Variants in TRIOBP observed in about 807,000 individuals in gnomAD.
The protein encoded by TRIOBP is TRIO and F-actin binding protein, also known as TRIO and F-actin-binding protein.
In TRIOBP, 169 loss-of-function variants were observed where a neutral mutation model predicts 238.8. That is an observed-to-expected ratio of 0.71 (90% CI 0.62 to 0.80). The LOEUF (loss-of-function observed/expected upper bound fraction) is 0.80, where lower values mean the gene tolerates loss of function less well. TRIOBP is among the 30% of genes least tolerant of loss of function. The probability of loss-of-function intolerance (pLI) is 0.00; values close to 1 mark genes in which losing one functional copy is unlikely to be tolerated. For synonymous variants in TRIOBP, 1,150 were observed against 1,274.4 expected (o/e 0.90, Z 2.08); for missense variants, 2,838 against 3,122.6 (o/e 0.91, Z 2.17).
At chr22:37,746,044 C>CCCCGCCACCCCGCCGT (rs1555898786) in intron 11 of TRIOBP, among the ~76,000 whole-genome samples, 8 of 134,622 alleles carry the variant, frequency 5.9e-5, no homozygotes, top group African/African-American at 2.1e-4. Flanking sequence ...CATCCGCCCA[C>CCCCGCCACCCCGCCGT]CCCGCCGTCC....
chr22:37,754,415 C>T (rs1389949223), intron 12 of TRIOBP, among the ~76,000 whole-genome samples: 1 of 106,742 alleles, frequency 9.4e-6, no homozygotes. Flanking sequence ...ACTCCTCCAT[C>T]TCAAAAAAAA....
Position 37,723,698 on chromosome 22 carries a change from C to T in TRIOBP, c.1142C>T (p.Pro381Leu), listed in dbSNP as rs377132789. Residue 381 changes from proline to leucine, a missense_variant, in exon 7 of 24, where the codon CCC becomes CTC. This residue lies in a region of TRIOBP where 535 missense variants were observed against 537.3 expected (regional missense o/e 1.00). Transcript: ENST00000644935. ...CCCCAGCGGGAAAACCCCAGGACACCCTGTGTCCAGCAGGACGATCCCAGA... is the reference window on the plus strand; with the variant it reads ...CCCCAGCGGGAAAACCCCAGGACACTCTGTGTCCAGCAGGACGATCCCAGA... ...CTPQRENPRT[P>L]CVQQDDPRAS... 6.2e-7 allele frequency: 1 copy of T among 1,613,764 alleles called. No individual in the cohort carries two copies. The highest frequency in any genetic ancestry group is 1.1e-5 in the South Asian group (1 of 91,042).
chr22:37,757,425 G>A (rs1020618700), intron 15 of TRIOBP, among the ~76,000 whole-genome samples, 188 bp from the exon 16 acceptor site: 1 of 152,162 alleles, frequency 6.6e-6, no homozygotes, highest in African/African-American at 2.4e-5. Flanking sequence ...TCCCTGGGCT[G>A]TCAAGAGGTG....
At chr22:37,767,712 G>C (rs1216246316) in intron 18 of TRIOBP, among the ~76,000 whole-genome samples, 1 of 152,132 alleles carries the variant, frequency 6.6e-6, no homozygotes, top group African/African-American at 2.4e-5. Flanking sequence ...AGTCTGCAGG[G>C]GGGGTGTACT....
chr22:37,770,308 G>A (rs894064090), intron 21 of TRIOBP, among the ~76,000 whole-genome samples: 2 of 150,772 alleles, frequency 1.3e-5, no homozygotes, highest in African/African-American at 4.9e-5. Context: ...CGTGGTGGCG[G>A]GCGCGGTGGC....
chr22:37,697,926 G>A lies in TRIOBP; in HGVS notation c.-61+230G>A, dbSNP rs573160626. On this transcript the variant is annotated intron_variant, in intron 2 of 23. Transcript: ENST00000644935. ...AAGTAAGATACCAGGGCGGCCGGGC[G>A]CGGTGGCTCAAGCCTGTAATCCCAG... 5.9e-5 allele frequency among the ~76,000 whole-genome samples: 9 copies of A among 152,204 alleles called. No individual in the cohort carries two copies. The East Asian group carries it at 1.6e-3, about 26-fold the overall frequency.
intron 21 of TRIOBP, 69 bp downstream of exon 21, chr22:37,769,444 C>T (rs1926662502): frequency 7.0e-7 from 1 of 1,432,124 alleles, no homozygotes; most frequent in South Asian, 1.2e-5. Context: ...GCACCCCCGC[C>T]ATAGGCTGGG....
intron 12 of TRIOBP, among the ~76,000 whole-genome samples, chr22:37,753,149 A>T (rs1363357211): frequency 6.6e-6 from 1 of 152,236 alleles, no homozygotes; most frequent in Non-Finnish European, 1.5e-5. Context: ...GCCTCCCAGA[A>T]CAAACCCAGC....
intron 13 of TRIOBP, 56 bp downstream of exon 13, chr22:37,755,040 G>C: frequency 6.2e-7 from 1 of 1,610,868 alleles, no homozygotes; most frequent in Non-Finnish European, 8.5e-7. Flanking sequence ...GGCCTGGCTG[G>C]GTTCACTGGG....
chr22:37,715,830 C>G lies in TRIOBP; in HGVS notation c.524C>G (p.Pro175Arg). 2 of 1,614,010 alleles carry G rather than the reference C, an allele frequency of 1.2e-6. No individual in the cohort carries two copies. The highest frequency in any genetic ancestry group is 1.7e-6 in the Non-Finnish European group (2 of 1,179,982). ...TGGGACGAGCTCGCAGTGATGATCCCGAGGAGGCCTCGGGAGGGGCCGAGA... is the reference window on the plus strand; with the variant it reads ...TGGGACGAGCTCGCAGTGATGATCCGGAGGAGGCCTCGGGAGGGGCCGAGA... ...PSWDELAVMIPRRPREGPRAD... is the reference protein window; with the variant it reads ...PSWDELAVMIRRRPREGPRAD... The change falls in exon 6 of 24, where the codon CCG becomes CGG. Residue 175 changes from proline (P) to arginine (R), a missense_variant. Transcript: ENST00000644935.
chr22:37,772,691 A>C lies in TRIOBP; in HGVS notation c.7027A>C (p.Lys2343Gln), dbSNP rs749051823. ...TRSEREIEQLKEHLRLAMAAL... is the reference protein window; with the variant it reads ...TRSEREIEQLQEHLRLAMAAL... The stretch of plus-strand genomic sequence containing the variant: ...GTCTGAGCGGGAGATCGAGCAGCTG[A>C]AGGAGCACCTGCGTCTTGCCATGGC... The change falls in exon 23 of 24, where the codon AAG (lysine) becomes CAG (glutamine). Residue 2343 changes from lysine to glutamine, a missense_variant. Lys to Gln is a moderately conservative substitution (Grantham distance 53, BLOSUM62 1). This residue lies in a region of TRIOBP where 2,096 missense variants were observed against 2,137.4 expected (regional missense o/e 0.98). Transcript: ENST00000644935. 6.2e-7 allele frequency: 1 copy of C among 1,614,104 alleles called. No homozygotes were observed. Among genetic ancestry groups the C allele is most frequent in the South Asian group, 1.1e-5 (1 of 91,082 alleles).
chr22:37,733,119 C>T lies in TRIOBP; in HGVS notation c.3948-179C>T, dbSNP rs1232563817. ...GGCAGAATAGAGCAGTGTTAACCAT[C>T]CCCATTTTTCAGAAGGGGAAACTAA... On this transcript the variant is annotated intron_variant, in intron 7 of 23. Coordinates refer to ENST00000644935, the MANE Select transcript of TRIOBP (RefSeq NM_001039141.3). 2.0e-5 allele frequency among the ~76,000 whole-genome samples: 3 copies of T among 152,246 alleles called. No homozygotes were observed. The East Asian group carries it at 5.8e-4, about 29-fold the overall frequency.
intron 11 of TRIOBP, among the ~76,000 whole-genome samples, chr22:37,742,043 T>C (rs998770570): frequency 1.3e-5 from 2 of 152,186 alleles, no homozygotes; most frequent in African/African-American, 4.8e-5. Flanking sequence ...CTGCAACCTC[T>C]GCCTCCCGGG....
chr22:37,758,095 G>T lies in TRIOBP; in HGVS notation c.6170G>T (p.Arg2057Leu). The T allele has an allele frequency of 3.1e-6, 5 of 1,611,342 alleles. No homozygotes were observed. The highest frequency in any genetic ancestry group is 4.2e-6 in the Non-Finnish European group (5 of 1,180,000). The part of the protein sequence containing the change: ...TALLNQSRGE[R>L]RGPPSDGHEA... ...CTGCTCAACCAAAGCCGCGGAGAGC[G>T]CCGAGGGCCCCCAAGTGACGGCCAC... is the stretch of plus-strand genomic sequence containing the variant. The change falls in exon 16 of 24, where the codon CGC becomes CTC. Residue 2057 changes from arginine to leucine, a missense_variant. Coordinates refer to ENST00000644935, the MANE Select transcript of TRIOBP (RefSeq NM_001039141.3).
At chr22:37,699,123 C>T (rs576875254) in intron 2 of TRIOBP, among the ~76,000 whole-genome samples, 1 of 152,226 alleles carries the variant, frequency 6.6e-6, no homozygotes, top group South Asian at 2.1e-4. Flanking sequence ...GCACTCCAGC[C>T]TAGGTGACAG....
At chr22:37,738,187 C>A (rs191370698) in intron 9 of TRIOBP, among the ~76,000 whole-genome samples, 1 of 152,226 alleles carries the variant, frequency 6.6e-6, no homozygotes. Flanking sequence ...GGATGGATGA[C>A]AGATGGGTGA....
chr22:37,721,026 T>A (rs1308483236), intron 6 of TRIOBP, among the ~76,000 whole-genome samples: 1 of 15,738 alleles, frequency 6.4e-5, no homozygotes, highest in Admixed American at 7.4e-4. Context: ...TCCGGCTAAT[T>A]TTTTTTTTTT....
intron 2 of TRIOBP, 149 bp from the exon 3 acceptor site, chr22:37,701,157 C>A (rs1922625368): frequency 3.7e-6 from 2 of 543,070 alleles, no homozygotes; most frequent in Non-Finnish European, 3.4e-6. Context: ...AATAAATGAA[C>A]AGGAATGGAT....
At position 37,722,128 on chromosome 22, in the gene TRIOBP, G is replaced by A. The variant is rs116134204; in HGVS notation, c.629-1057G>A. ...ACTCCCAGCTACCAGTTTATAAAAG[G>A]TTGTCCATCCCTGCACCTTTCCTAT... On this transcript the variant is annotated intron_variant, in intron 6 of 23. Transcript: ENST00000644935. Among the ~76,000 whole-genome samples the A allele has an allele frequency of 9.5e-3, 1,442 of 152,254 alleles. 23 individuals carry two copies. Among genetic ancestry groups the A allele is most frequent in the African/African-American group, 0.033 (1,387 of 41,534 alleles).
Sources: gnomAD v4.1 joint callset for allele counts (sites outside exome capture counted in the v4.1 genomes callset) on GRCh38, gnomAD v4.1.1 for gene constraint, gnomAD v4.1.1 regional missense constraint, MANE v1.5 for transcripts, NCBI Gene and HGNC (gene_info 2026-07-23, HGNC 2026-07-21) for gene names.